The following IGSF9B variants were observed in gnomAD, a reference collection of about 807,000 sequenced individuals.
The protein encoded by IGSF9B is protein turtle homolog B.
Under a neutral mutation model 143.7 loss-of-function variants are expected in IGSF9B, and 48 were observed. The observed-to-expected ratio is 0.33, with a 90% CI of 0.26 to 0.42. The LOEUF (loss-of-function observed/expected upper bound fraction) is 0.42. IGSF9B is among the 20% of genes least tolerant of loss of function. The pLI is 1.00. For missense variants in IGSF9B, 1,706 were observed against 1,980.0 expected, an observed-to-expected ratio of 0.86 and a Z score of 2.63; for synonymous variants, 903 against 833.1, an observed-to-expected ratio of 1.08 and a Z score of -1.44.
chr11:133,929,225 C>T (rs1163111214), intron 12 of IGSF9B, among the ~76,000 whole-genome samples: 1 of 152,194 alleles, frequency 6.6e-6, no homozygotes, highest in African/African-American at 2.4e-5. Flanking sequence ...TCACGTACCC[C>T]ATACCTACAA....
chr11:133,931,233 G>T lies in IGSF9B; in HGVS notation c.1369-99C>A. 1 of 1,210,830 alleles carries T rather than the reference G, an allele frequency of 8.3e-7. No individual in the cohort carries two copies. Among genetic ancestry groups the T allele is most frequent in the African/African-American group, 1.5e-5 (1 of 66,210 alleles). 75.0% of individuals were successfully genotyped at this position (1,210,830 alleles called of 1,614,324 possible). On this transcript the variant is annotated intron_variant, in intron 10 of 19. Coordinates refer to ENST00000533871, the MANE Select transcript of IGSF9B (RefSeq NM_001277285.4). The surrounding 1 kb of genome is among the most constrained non-coding windows in gnomAD (Gnocchi z 7.7). ...GAGGACGCGCCTGAGACCCCGGCCCGCCCACGCTGCCCTCCTCCCGAGTGC... is the reference window on the plus strand; with the variant it reads ...GAGGACGCGCCTGAGACCCCGGCCCTCCCACGCTGCCCTCCTCCCGAGTGC...
rs376140666 is a variant in IGSF9B at position 133,929,667 on chromosome 11, G to A, written c.1631+4C>T. On this transcript the variant is annotated splice_donor_region_variant and intron_variant, in intron 12 of 19. Transcript: ENST00000533871. ...ATGCCGGGGTGACTCACAGAGGTCC[G>A]TACCAAACTGAGAATGTCTGCTCGT... is the stretch of plus-strand genomic sequence containing the variant. 85 of 1,599,258 alleles carry A rather than the reference G, an allele frequency of 5.3e-5. No individual in the cohort carries two copies. The highest frequency in any genetic ancestry group is 6.7e-5 in the Admixed American group (4 of 59,982).
At chr11:133,937,695 T>C in intron 4 of IGSF9B, 115 bp downstream of exon 4, 1 of 1,336,448 alleles carries the variant, frequency 7.5e-7, no homozygotes, top group Non-Finnish European at 1.0e-6. Context: ...AGGCTACGGC[T>C]TTCCAGCCTC....
chr11:133,913,227 T>C lies in IGSF9B; in HGVS notation c.3984-1220A>G, dbSNP rs537264579. Among the ~76,000 whole-genome samples, 16 of 152,062 alleles carry C rather than the reference T, an allele frequency of 1.1e-4. No homozygotes were observed. Among genetic ancestry groups the C allele is most frequent in the Admixed American group, 2.6e-4 (4 of 15,262 alleles). On this transcript the variant is annotated intron_variant, in intron 18 of 19. Transcript: ENST00000533871. This position sits in a 1 kb window ranked among gnomAD's most constrained non-coding sequence, Gnocchi z 4.6. ...CCCCCAACTCCCTCCCCTATCTCCA[T>C]TGCAAACAGTTTTTGGAAAGTCCTG...
Position 133,945,016 on chromosome 11 carries a change from C to T in IGSF9B, c.263-650G>A, listed in dbSNP as rs1940020855. 6.6e-6 allele frequency among the ~76,000 whole-genome samples: 1 copy of T among 152,044 alleles called. No homozygotes were observed. Among genetic ancestry groups the T allele is most frequent in the Non-Finnish European group, 1.5e-5 (1 of 67,994 alleles). ...AGCCTGAGAACAAGGAATGGGTTGG[C>T]CATCAGAGCAAACATCCTGGAGGCA... On this transcript the variant is annotated intron_variant, in intron 2 of 19. Coordinates refer to ENST00000533871, the MANE Select transcript of IGSF9B (RefSeq NM_001277285.4). This position sits in a 1 kb window ranked among gnomAD's most constrained non-coding sequence, Gnocchi z 4.6.
At chr11:133,925,006 C>T in intron 14 of IGSF9B, 102 bp from the exon 15 acceptor site, 1 of 938,190 alleles carries the variant, frequency 1.1e-6, no homozygotes, top group Non-Finnish European at 1.7e-6. Context: ...GGCAGGGCAC[C>T]CAAAGCACAG....
chr11:133,910,068 G>A (rs1939276786), intron 19 of IGSF9B, among the ~76,000 whole-genome samples: 2 of 152,200 alleles, frequency 1.3e-5, no homozygotes, highest in African/African-American at 4.8e-5. Flanking sequence ...ATACAGAAGG[G>A]AGGTCATCTC....
rs758777564 is a variant in IGSF9B, at chr11:133,921,017, G to T, written c.2708C>A (p.Thr903Lys). ...CTGGGACTTCAGGGCGGCCACAGAT[G>T]TGGGCACCAGTGGGTCCTCGTTCTC... ...DEENEDPLVP[T>K]SVAALKSQLT... The change falls in exon 18 of 20, where the codon ACA (threonine) becomes AAA (lysine). Residue 903 changes from threonine (T) to lysine (K), a missense_variant. Physicochemically the swap from Thr to Lys is moderately conservative, Grantham distance 78. Around this residue, in one of 7 missense-constraint regions of IGSF9B, gnomAD observed 880 missense variants for 762.9 expected, o/e 1.15. Transcript: ENST00000533871. 8.1e-6 allele frequency: 13 copies of T among 1,613,044 alleles called. No individual in the cohort carries two copies. In the African/African-American group the frequency reaches 1.7e-4, roughly 22 times the overall value.
rs778448330 is a variant in IGSF9B at position 133,920,501 on chromosome 11, C to T, written c.3224G>A (p.Gly1075Asp). The change falls in exon 18 of 20, where the codon GGC becomes GAC. Residue 1075 changes from glycine to aspartate, a missense_variant. Physicochemically the swap from Gly to Asp is moderately conservative, Grantham distance 94. This residue lies in a region of IGSF9B where 880 missense variants were observed against 762.9 expected (regional missense o/e 1.15). Transcript: ENST00000533871. ...DVPESLQPKA[G>D]LPRGLPPTSL... Reference sequence around the variant, plus strand: ...GGTGGGGGGCAGTCCTCGGGGGAGGCCGGCCTTGGGCTGCAGACTCTCGGG... The same window carrying T: ...GGTGGGGGGCAGTCCTCGGGGGAGGTCGGCCTTGGGCTGCAGACTCTCGGG... The T allele has an allele frequency of 6.3e-7, 1 of 1,586,144 alleles. No individual in the cohort carries two copies. The highest frequency in any genetic ancestry group is 8.6e-7 in the Non-Finnish European group (1 of 1,165,284).
At chr11:133,919,572 C>T (rs1390557390) in intron 18 of IGSF9B, among the ~76,000 whole-genome samples, 170 bp downstream of exon 18, 1 of 152,208 alleles carries the variant, frequency 6.6e-6, no homozygotes, top group Non-Finnish European at 1.5e-5. Flanking sequence ...GCCCCAGCGA[C>T]TGCACCCCGC....
chr11:133,937,728 T>C, intron 4 of IGSF9B, 82 bp downstream of exon 4: 2 of 1,470,166 alleles, frequency 1.4e-6, no homozygotes, highest in Non-Finnish European at 1.9e-6. Flanking sequence ...GCCTGTAGCA[T>C]CAGGGGTCGG....
intron 6 of IGSF9B, 39 bp downstream of exon 6, chr11:133,936,014 G>T: frequency 6.2e-7 from 1 of 1,605,772 alleles, no homozygotes; most frequent in South Asian, 1.1e-5. Context: ...TGGGGGCTGG[G>T]GTGGCAACCT....
chr11:133,952,794 T>C (rs960765154), intron 1 of IGSF9B, among the ~76,000 whole-genome samples: 4 of 152,084 alleles, frequency 2.6e-5, no homozygotes, highest in African/African-American at 9.7e-5. Flanking sequence ...CATGTGCACA[T>C]GTATGCATGT....
chr11:133,923,139 TAG>T (rs112787173), intron 15 of IGSF9B, among the ~76,000 whole-genome samples: 149 of 152,336 alleles, frequency 9.8e-4, no homozygotes, highest in African/African-American at 3.4e-3. Context: ...TCCACTGGGT[TAG>T]AGAGACCCGC....
chr11:133,905,416 C>A lies in IGSF9B; in HGVS notation c.*3653G>T, dbSNP rs1467051785. Among the ~76,000 whole-genome samples the A allele has an allele frequency of 1.3e-5, 2 of 152,128 alleles. No homozygotes were observed. Among genetic ancestry groups the A allele is most frequent in the African/African-American group, 2.4e-5 (1 of 41,424 alleles). ...GTTTCGTCAACCTTGTCCCCCACCC[C>A]AAATAAAATCAGAAAATTTCACATT... is the stretch of plus-strand genomic sequence containing the variant. On this transcript the variant is annotated 3_prime_UTR_variant, in exon 20 of 20. Transcript: ENST00000533871. The surrounding 1 kb of genome is among the most constrained non-coding windows in gnomAD (Gnocchi z 4.0).
Position 133,913,080 on chromosome 11 carries a change from G to T in IGSF9B, c.3984-1073C>A, listed in dbSNP as rs564843929. On this transcript the variant is annotated intron_variant, in intron 18 of 19. Transcript: ENST00000533871. This position sits in a 1 kb window ranked among gnomAD's most constrained non-coding sequence, Gnocchi z 4.6. ...AACTCGGAGCCTGAGGAATGAAGGG[G>T]AAAGAGAAAAAGACAGGTCACTCTG... is the stretch of plus-strand genomic sequence containing the variant. 6.6e-6 allele frequency among the ~76,000 whole-genome samples: 1 copy of T among 152,294 alleles called. No homozygotes were observed. Among genetic ancestry groups the T allele is most frequent in the East Asian group, 1.9e-4 (1 of 5,172 alleles).
chr11:133,920,489 C>T lies in IGSF9B; in HGVS notation c.3236G>A (p.Gly1079Glu). 1 of 1,581,352 alleles carries T rather than the reference C, an allele frequency of 6.3e-7. No homozygotes were observed. Among genetic ancestry groups the T allele is most frequent in the Non-Finnish European group, 8.6e-7 (1 of 1,163,086 alleles). The change falls in exon 18 of 20, where the codon GGA (glycine) becomes GAA (glutamate). Residue 1079 changes from glycine to glutamate, a missense_variant. By Grantham distance (98) the Gly-to-Glu change is moderately conservative (BLOSUM62 -2). Transcript: ENST00000533871. ...CACCTGCAGGGAGGTGGGGGGCAGT[C>T]CTCGGGGGAGGCCGGCCTTGGGCTG... is the stretch of plus-strand genomic sequence containing the variant. ...SLQPKAGLPR[G>E]LPPTSLQVPA...
Position 133,920,459 on chromosome 11 carries a change from G to T in IGSF9B, c.3266C>A (p.Ala1089Glu). Residue 1089 changes from alanine to glutamate, a missense_variant, in exon 18 of 20, where the codon GCG becomes GAG. Physicochemically the swap from Ala to Glu is moderately radical, Grantham distance 107. Coordinates refer to ENST00000533871, the MANE Select transcript of IGSF9B (RefSeq NM_001277285.4). ...GLPPTSLQVPAAYPGILSLEA... is the reference protein window; with the variant it reads ...GLPPTSLQVPEAYPGILSLEA... Reference sequence around the variant, plus strand: ...CAGAGACAGGATGCCCGGGTAGGCCGCGGGCACCTGCAGGGAGGTGGGGGG... The same window carrying T: ...CAGAGACAGGATGCCCGGGTAGGCCTCGGGCACCTGCAGGGAGGTGGGGGG... 6.4e-7 allele frequency: 1 copy of T among 1,565,134 alleles called. No individual in the cohort carries two copies. Among genetic ancestry groups the T allele is most frequent in the Non-Finnish European group, 8.7e-7 (1 of 1,155,104 alleles).
chr11:133,925,204 T>C (rs1939602791), intron 14 of IGSF9B, among the ~76,000 whole-genome samples: 1 of 152,200 alleles, frequency 6.6e-6, no homozygotes, highest in Non-Finnish European at 1.5e-5. Flanking sequence ...GATAAATAAG[T>C]GTCCAGGAAG....
Sources: allele counts gnomAD v4.1 joint callset (sites outside exome capture counted in the v4.1 genomes callset), GRCh38; gene constraint gnomAD v4.1.1; regional missense constraint gnomAD v4.1.1; non-coding constraint Gnocchi (gnomAD v3.1); transcripts MANE v1.5; gene names NCBI Gene and HGNC (gene_info 2026-07-23, HGNC 2026-07-21).